The following NTNG1 variants were observed in gnomAD, a reference collection of about 807,000 sequenced individuals.
NTNG1 encodes the protein netrin-G1.
Under a neutral mutation model 54.0 loss-of-function variants are expected in NTNG1, and 16 were observed. The observed-to-expected ratio is 0.30, with a 90% CI of 0.20 to 0.45. The LOEUF (loss-of-function observed/expected upper bound fraction) is 0.45, where lower values mean the gene tolerates loss of function less well. Among genes scored for constraint, NTNG1 ranks in the 20% least tolerant of loss-of-function variants. The probability of loss-of-function intolerance (pLI) is 1.00; values close to 1 mark genes in which losing one functional copy is unlikely to be tolerated. For synonymous variants in NTNG1, 255 were observed against 263.1 expected, an observed-to-expected ratio of 0.97 and a Z score of 0.30; for missense variants, 530 against 678.7, an observed-to-expected ratio of 0.78 and a Z score of 2.43.
rs141409363 is a variant in NTNG1 at position 107,360,622 on chromosome 1, A to G, written c.888-34532A>G. On this transcript the variant is annotated intron_variant, in intron 3 of 7. Transcript: ENST00000370068. ...CTAATTCATGGGTAGTACATAAATAATTTATTTGAATTCTGAAAAGTATTT... is the reference window on the plus strand; with the variant it reads ...CTAATTCATGGGTAGTACATAAATAGTTTATTTGAATTCTGAAAAGTATTT... 9.1e-3 allele frequency among the ~76,000 whole-genome samples: 1,393 copies of G among 152,322 alleles called. 8 individuals are homozygous for G. The highest frequency in any genetic ancestry group is 0.013 in the Non-Finnish European group (875 of 68,024).
intron 2 of NTNG1, among the ~76,000 whole-genome samples, chr1:107,235,894 G>A (rs917126554): frequency 6.6e-6 from 1 of 152,110 alleles, no homozygotes; most frequent in African/African-American, 2.4e-5. Context: ...CTAAGATACT[G>A]AAATTTAATC....
chr1:107,439,723 C>T (rs1388236093), intron 7 of NTNG1, among the ~76,000 whole-genome samples: 1 of 152,060 alleles, frequency 6.6e-6, no homozygotes, highest in African/African-American at 2.4e-5. Flanking sequence ...CACCAAGATC[C>T]TGAAGTGCCT....
chr1:107,167,730 A>G (rs1346452097), intron 2 of NTNG1, among the ~76,000 whole-genome samples: 1 of 152,054 alleles, frequency 6.6e-6, no homozygotes, highest in Non-Finnish European at 1.5e-5. Flanking sequence ...CCTAACATGT[A>G]TTAATATAAT....
At chr1:107,225,402 C>A (rs1660608824) in intron 2 of NTNG1, among the ~76,000 whole-genome samples, 1 of 152,052 alleles carries the variant, frequency 6.6e-6, no homozygotes, top group African/African-American at 2.4e-5. Flanking sequence ...ATCTTCAATG[C>A]TAGATTTTGT....
chr1:107,185,901 T>C (rs1270826535), intron 2 of NTNG1, among the ~76,000 whole-genome samples: 1 of 152,064 alleles, frequency 6.6e-6, no homozygotes, highest in Non-Finnish European at 1.5e-5. Context: ...GTTTAAAGGG[T>C]AAAAGTGCAG....
chr1:107,427,628 A>G (rs971808742), intron 5 of NTNG1, among the ~76,000 whole-genome samples: 8 of 152,140 alleles, frequency 5.3e-5, no homozygotes, highest in African/African-American at 1.9e-4. Context: ...TCTCAAATAT[A>G]TTATGGCCAG....
At chr1:107,275,593 A>C (rs897285298) in intron 2 of NTNG1, among the ~76,000 whole-genome samples, 5 of 152,112 alleles carry the variant, frequency 3.3e-5, no homozygotes, top group Non-Finnish European at 4.4e-5. Flanking sequence ...CTCAAGATCC[A>C]AGAAACAATG....
intron 2 of NTNG1, among the ~76,000 whole-genome samples, chr1:107,241,608 C>A (rs1661834601): frequency 1.3e-5 from 2 of 152,140 alleles, no homozygotes; most frequent in Admixed American, 6.5e-5. Flanking sequence ...TCAAACAGGA[C>A]AAAGCATCAG....
At chr1:107,411,473 T>C (rs1673803416) in intron 5 of NTNG1, among the ~76,000 whole-genome samples, 2 of 152,188 alleles carry the variant, frequency 1.3e-5, no homozygotes. Context: ...TTGTGCAGTC[T>C]TGATTTATTG....
chr1:107,434,064 G>A (rs1246902730), intron 6 of NTNG1, among the ~76,000 whole-genome samples: 1 of 152,084 alleles, frequency 6.6e-6, no homozygotes, highest in Admixed American at 6.5e-5. Context: ...CACAGAATAA[G>A]GCACTAATCT....
chr1:107,436,592 T>G, intron 6 of NTNG1, 73 bp from the exon 7 acceptor site: 1 of 1,328,636 alleles, frequency 7.5e-7, no homozygotes, highest in East Asian at 2.5e-5. Flanking sequence ...TTTAAGTACG[T>G]GACGCTCCTG....
intron 7 of NTNG1, among the ~76,000 whole-genome samples, chr1:107,477,002 G>A (rs543391575): frequency 2.0e-5 from 3 of 152,360 alleles, no homozygotes; most frequent in East Asian, 3.8e-4. Context: ...AAATTTTAAA[G>A]TGAGAACAGG....
intron 3 of NTNG1, among the ~76,000 whole-genome samples, chr1:107,369,503 C>A (rs547765201): frequency 2.6e-5 from 4 of 152,034 alleles, no homozygotes; most frequent in Non-Finnish European, 5.9e-5. Context: ...TAACTAATTG[C>A]ATTGAACATC....
chr1:107,294,099 C>A lies in NTNG1; in HGVS notation c.247-30183C>A, dbSNP rs536198796. Among the ~76,000 whole-genome samples, 193 of 152,320 alleles carry A rather than the reference C, an allele frequency of 1.3e-3. 2 individuals are homozygous for A. Among genetic ancestry groups the A allele is most frequent in the Middle Eastern group, 0.01 (3 of 294 alleles). Reference sequence around the variant, plus strand: ...CACCATCTGCCACATAGCAAGTAGGCAGCATCCTGGACGAGGAGGTGTCTC... The same window carrying A: ...CACCATCTGCCACATAGCAAGTAGGAAGCATCCTGGACGAGGAGGTGTCTC... On this transcript the variant is annotated intron_variant, in intron 2 of 7. Coordinates refer to ENST00000370068, the MANE Select transcript of NTNG1 (RefSeq NM_001113226.3).
intron 2 of NTNG1, among the ~76,000 whole-genome samples, chr1:107,278,355 T>C (rs986802715): frequency 3.3e-5 from 5 of 152,232 alleles, no homozygotes; most frequent in African/African-American, 9.6e-5. Flanking sequence ...CTCTTACATG[T>C]TGTCTTTTCC....
intron 2 of NTNG1, among the ~76,000 whole-genome samples, chr1:107,281,373 A>AT (rs1664850067): frequency 6.6e-6 from 1 of 152,070 alleles, no homozygotes; most frequent in Admixed American, 6.6e-5. Context: ...TCAGAAAAAT[A>AT]ATATGATTAG....
rs573381640 is a variant in NTNG1 at position 107,372,750 on chromosome 1, C to T, written c.888-22404C>T. 2.7e-4 allele frequency among the ~76,000 whole-genome samples: 41 copies of T among 152,206 alleles called. No individual in the cohort carries two copies. In the South Asian group the frequency reaches 8.1e-3, roughly 30 times the overall value. ...AATTACTGAGAAAGGACTATGGAAACACCTCGCCATCATTTTTTTTTATTT... is the reference window on the plus strand; with the variant it reads ...AATTACTGAGAAAGGACTATGGAAATACCTCGCCATCATTTTTTTTTATTT... On this transcript the variant is annotated intron_variant, in intron 3 of 7. Transcript: ENST00000370068.
At chr1:107,479,323 A>G (rs923098887) in intron 7 of NTNG1, among the ~76,000 whole-genome samples, 3 of 152,176 alleles carry the variant, frequency 2.0e-5, no homozygotes, top group Non-Finnish European at 4.4e-5. Context: ...GTTGAACATA[A>G]TTAGTGGACA....
intron 2 of NTNG1, among the ~76,000 whole-genome samples, chr1:107,205,498 T>C (rs12736763): frequency 0.81 from 123,213 of 152,098 alleles, 53,673 homozygotes; most frequent in East Asian, 0.99. Flanking sequence ...TTTATAAGTA[T>C]ATATTATTGT....
Sources: gnomAD v4.1 joint callset for allele counts (sites outside exome capture counted in the v4.1 genomes callset) on GRCh38, gnomAD v4.1.1 for gene constraint, MANE v1.5 for transcripts, NCBI Gene and HGNC (gene_info 2026-07-23, HGNC 2026-07-21) for gene names.